ATAD5: variants seen among roughly 807,000 people sequenced by gnomAD.
ATAD5 encodes the protein ATPase family AAA domain-containing protein 5.
A neutral mutation model predicts 176.9 loss-of-function variants in ATAD5; 58 were observed. That is an observed-to-expected ratio of 0.33 (90% CI 0.27 to 0.41). The LOEUF (loss-of-function observed/expected upper bound fraction) is 0.41. Among genes scored for constraint, ATAD5 ranks in the 10% least tolerant of loss-of-function variants. ATAD5 has a pLI of 1.00. For missense variants in ATAD5, 1,789 were observed against 2,094.1 expected, an observed-to-expected ratio of 0.85 and a Z score of 2.84; for synonymous variants, 640 against 712.6, an observed-to-expected ratio of 0.90 and a Z score of 1.62.
At chr17:30,842,868 C>T (rs573618059) in intron 4 of ATAD5, among the ~76,000 whole-genome samples, 79 of 152,104 alleles carry the variant, frequency 5.2e-4, no homozygotes, top group Non-Finnish European at 9.1e-4. Flanking sequence ...CTCAGCCTCT[C>T]GAGTAGCTGG....
At chr17:30,861,605 G>A (rs1907639543) in intron 10 of ATAD5, among the ~76,000 whole-genome samples, 1 of 151,854 alleles carries the variant, frequency 6.6e-6, no homozygotes, top group Non-Finnish European at 1.5e-5. Context: ...TCTGCCTCCC[G>A]GGTTCAAGTG....
chr17:30,850,990 T>G (rs1322975433), intron 6 of ATAD5, among the ~76,000 whole-genome samples: 2 of 139,656 alleles, frequency 1.4e-5, no homozygotes, highest in Non-Finnish European at 3.1e-5. Context: ...GCTCAAGCAA[T>G]TCTCCTGCCT....
rs550428511 is a variant in ATAD5 at position 30,887,440 on chromosome 17, G to C, written c.4258+68G>C. 186 of 1,363,024 alleles carry C rather than the reference G, an allele frequency of 1.4e-4. 2 individuals carry two copies. The African/African-American group carries it at 2.4e-3, about 18-fold the overall frequency. 84.4% of individuals were successfully genotyped at this position (1,363,024 alleles called of 1,614,324 possible). A position where few individuals can be genotyped will look rare whatever the true frequency, so the allele number is the denominator to read the frequency against. On this transcript the variant is annotated intron_variant, in intron 19 of 22. Transcript: ENST00000321990. ...TATTTAAAAATCTGTGCTATGGCTG[G>C]GTGCAGTGGCTCATGCCTGTAATCC...
intron 6 of ATAD5, among the ~76,000 whole-genome samples, chr17:30,847,930 C>G (rs984712621): frequency 1.3e-5 from 2 of 151,810 alleles, no homozygotes; most frequent in Non-Finnish European, 2.9e-5. Context: ...CCATGTTAGC[C>G]AGGATGGTCT....
chr17:30,876,118 C>T (rs1179433052), intron 14 of ATAD5, among the ~76,000 whole-genome samples: 2 of 151,600 alleles, frequency 1.3e-5, no homozygotes, highest in Non-Finnish European at 2.9e-5. Context: ...GCCTGGGCGA[C>T]GGAGCGAGAC....
chr17:30,892,029 T>C (rs778931980), intron 19 of ATAD5, among the ~76,000 whole-genome samples: 5 of 152,070 alleles, frequency 3.3e-5, no homozygotes, highest in Admixed American at 1.3e-4. Context: ...TAGGTATTTA[T>C]TTTTCTTCTG....
At chr17:30,884,424 C>CTTTTTTTTT (rs61664127) in intron 18 of ATAD5, among the ~76,000 whole-genome samples, 24 of 80,958 alleles carry the variant, frequency 3.0e-4, no homozygotes, top group African/African-American at 3.6e-4. Flanking sequence ...CTTTTCTTTT[C>CTTTTTTTTT]TTTTTTTTTT....
chr17:30,853,610 T>G (rs1907105512), intron 6 of ATAD5, among the ~76,000 whole-genome samples: 1 of 152,226 alleles, frequency 6.6e-6, no homozygotes, highest in Admixed American at 6.6e-5. Context: ...TAGTCTCTTT[T>G]GAATTACCAG....
At chr17:30,845,886 T>G (rs1906465020) in intron 6 of ATAD5, among the ~76,000 whole-genome samples, 1 of 151,808 alleles carries the variant, frequency 6.6e-6, no homozygotes, top group Non-Finnish European at 1.5e-5. Context: ...GGAGTGAGAG[T>G]GTGGGAGAGG....
chr17:30,839,150 T>C (rs1905925976), intron 3 of ATAD5, among the ~76,000 whole-genome samples: 1 of 152,170 alleles, frequency 6.6e-6, no homozygotes, highest in South Asian at 2.1e-4. Flanking sequence ...TTAATGTTTC[T>C]ATGAGAATAA....
At chr17:30,865,263 C>T (rs552350363) in intron 10 of ATAD5, among the ~76,000 whole-genome samples, 143 of 151,872 alleles carry the variant, frequency 9.4e-4, no homozygotes, top group African/African-American at 2.8e-3. Flanking sequence ...AGCTCCGCCT[C>T]CCGGGTTCAC....
At position 30,876,383 on chromosome 17, in the gene ATAD5, G is replaced by T; in HGVS notation, c.3617G>T (p.Ser1206Ile). Residue 1206 changes from serine to isoleucine, a missense_variant, in exon 15 of 23, where the codon AGC becomes ATC. Around this residue, in one of 6 missense-constraint regions of ATAD5, gnomAD observed 194 missense variants for 270.1 expected, o/e 0.72. Coordinates refer to ENST00000321990, the MANE Select transcript of ATAD5 (RefSeq NM_024857.5). ...YYIGKSPKKISSPKKVVTSPR... is the reference protein window; with the variant it reads ...YYIGKSPKKIISPKKVVTSPR... ...ATTTGTTTTTGGGCAGAAAAAATAA[G>T]CTCCCCTAAGAAAGTTGTTACATCA... The T allele has an allele frequency of 6.4e-7, 1 of 1,566,956 alleles. No homozygotes were observed. Among genetic ancestry groups the T allele is most frequent in the Non-Finnish European group, 8.6e-7 (1 of 1,162,074 alleles).
At chr17:30,869,768 C>T in intron 14 of ATAD5, 122 bp downstream of exon 14, 1 of 1,027,624 alleles carries the variant, frequency 9.7e-7, no homozygotes, top group Non-Finnish European at 1.4e-6. Flanking sequence ...GTTTCCTGCC[C>T]ACCCCTGCCA....
Position 30,869,496 on chromosome 17 carries a change from A to G in ATAD5, c.3457A>G (p.Ile1153Val), listed in dbSNP as rs757232909. 1.2e-6 allele frequency: 2 copies of G among 1,612,318 alleles called. No individual in the cohort carries two copies. The highest frequency in any genetic ancestry group is 1.7e-6 in the Non-Finnish European group (2 of 1,179,684). ...YACAQELGFK[I>V]FEVNASSQRS... ...GTTTTTTCTTATATTCTTCTTTTAG[A>G]TATTTGAAGTGAATGCCTCTTCCCA... The change falls in exon 14 of 23, where the codon ATA (isoleucine) becomes GTA (valine). Residue 1153 changes from isoleucine to valine, a missense_variant and splice_region_variant. Coordinates refer to ENST00000321990, the MANE Select transcript of ATAD5 (RefSeq NM_024857.5).
At chr17:30,873,412 G>C (rs1266026439) in intron 14 of ATAD5, among the ~76,000 whole-genome samples, 2 of 151,158 alleles carry the variant, frequency 1.3e-5, no homozygotes, top group East Asian at 3.9e-4. Context: ...CCGTCTCCCA[G>C]GTTCAAGTGA....
chr17:30,860,910 ATTT>A (rs535146170), intron 10 of ATAD5, among the ~76,000 whole-genome samples: 2 of 143,304 alleles, frequency 1.4e-5, no homozygotes, highest in Non-Finnish European at 1.5e-5. Context: ...CGCCCAGATA[ATTT>A]TTTTTTTTTT....
intron 14 of ATAD5, among the ~76,000 whole-genome samples, chr17:30,871,047 C>T (rs1004403878): frequency 6.6e-6 from 1 of 151,540 alleles, no homozygotes; most frequent in African/African-American, 2.4e-5. Flanking sequence ...TATTTTAGAC[C>T]ACTTGAAATT....
At chr17:30,876,701 C>CTT in intron 15 of ATAD5, 151 bp downstream of exon 15, 1 of 207,582 alleles carries the variant, frequency 4.8e-6, no homozygotes, top group Non-Finnish European at 8.6e-6. Context: ...TATTTTGTTT[C>CTT]CTTTTTTTTT....
intron 18 of ATAD5, among the ~76,000 whole-genome samples, chr17:30,881,357 T>C (rs1909001802): frequency 6.6e-6 from 1 of 152,152 alleles, no homozygotes; most frequent in Non-Finnish European, 1.5e-5. Context: ...TGGAGTACGG[T>C]GGCACGATCT....
Sources: allele counts gnomAD v4.1 joint callset (sites outside exome capture counted in the v4.1 genomes callset), GRCh38; gene constraint gnomAD v4.1.1; regional missense constraint gnomAD v4.1.1; transcripts MANE v1.5; gene names NCBI Gene and HGNC (gene_info 2026-07-23, HGNC 2026-07-21).